The following C6orf89 variants were observed in gnomAD, a reference collection of about 807,000 sequenced individuals.
The protein encoded by C6orf89 is chromosome 6 open reading frame 89.
In C6orf89, 29 loss-of-function variants were observed where a neutral mutation model predicts 40.7. The observed-to-expected ratio is 0.71, with a 90% CI of 0.53 to 0.97. The LOEUF (loss-of-function observed/expected upper bound fraction) is 0.97, where lower values mean the gene tolerates loss of function less well. Among genes scored for constraint, C6orf89 ranks in the 50% least tolerant of loss-of-function variants. The pLI is 0.00. For synonymous variants in C6orf89, 165 were observed against 152.2 expected (o/e 1.08, Z -0.62); for missense variants, 392 against 429.1 (o/e 0.91, Z 0.76).
chr6:36,910,740 A>T lies in C6orf89; in HGVS notation c.404-3544A>T, dbSNP rs541454796. 3.3e-5 allele frequency among the ~76,000 whole-genome samples: 5 copies of T among 151,980 alleles called. No individual in the cohort carries two copies. In the South Asian group the frequency reaches 1.0e-3, roughly 32 times the overall value. On this transcript the variant is annotated intron_variant, in intron 4 of 8. Coordinates refer to ENST00000480824, the MANE Select transcript of C6orf89 (RefSeq NM_001286635.2). ...AGACCCTGTCTCTAAAAAAAAAAAA[A>T]AGGCTGGTCTCAAACTCCTGGGCTC...
upstream of C6orf89, among the ~76,000 whole-genome samples, chr6:36,882,961 G>A (rs988686606): frequency 7.4e-4 from 112 of 151,578 alleles, no homozygotes; most frequent in African/African-American, 2.3e-3. Context: ...GGATGGTCTC[G>A]ATCTCCTGAC....
upstream of C6orf89, among the ~76,000 whole-genome samples, chr6:36,882,801 A>C (rs1223015373): frequency 2.1e-5 from 3 of 140,828 alleles, no homozygotes; most frequent in Non-Finnish European, 4.5e-5. Flanking sequence ...GCAGTGGCGC[A>C]ATCTCGGCTC....
chr6:36,921,997 C>T (rs2150718478), intron 8 of C6orf89, among the ~76,000 whole-genome samples: 1 of 152,328 alleles, frequency 6.6e-6, no homozygotes, highest in Non-Finnish European at 1.5e-5. Context: ...CGCTGCACTC[C>T]AGCCTGGGCA....
At chr6:36,906,346 G>T (rs967122092) in intron 4 of C6orf89, among the ~76,000 whole-genome samples, 1 of 152,202 alleles carries the variant, frequency 6.6e-6, no homozygotes, top group African/African-American at 2.4e-5. Context: ...AGCACTTACT[G>T]TATACCAGGT....
Position 36,925,772 on chromosome 6 carries a change from A to G in C6orf89, c.*2331A>G, listed in dbSNP as rs547749998. 53 of 152,394 alleles carry G rather than the reference A, an allele frequency of 3.5e-4. No homozygotes were observed. Among genetic ancestry groups the G allele is most frequent in the African/African-American group, 1.2e-3 (51 of 41,598 alleles). The allele number at this position is 152,394 out of a possible 1,614,324, so 9.4% of individuals were successfully genotyped here. ...GATGATCAAGGCCCTGCACAGCAGG[A>G]TGCCACAGGATGCCCCTGCCATCTA... On this transcript the variant is annotated 3_prime_UTR_variant, in exon 9 of 9. Coordinates refer to ENST00000480824, the MANE Select transcript of C6orf89 (RefSeq NM_001286635.2).
chr6:36,885,802 A>T (rs1462605510), upstream of C6orf89: 1 of 393,780 alleles, frequency 2.5e-6, no homozygotes, highest in African/African-American at 2.1e-5. Flanking sequence ...AAGAACCTAC[A>T]CTCTCCAGAT....
chr6:36,921,807 T>C (rs1263570647), intron 8 of C6orf89, among the ~76,000 whole-genome samples: 7 of 151,888 alleles, frequency 4.6e-5, no homozygotes, highest in Non-Finnish European at 8.8e-5. Flanking sequence ...GCAGGAGGAT[T>C]GCTTGAGCCC....
intron 3 of C6orf89, among the ~76,000 whole-genome samples, chr6:36,899,869 TTTA>T (rs1761598675): frequency 6.6e-6 from 1 of 152,240 alleles, no homozygotes; most frequent in Non-Finnish European, 1.5e-5. Flanking sequence ...TATTTAATTT[TTTA>T]TTATTTGTTT....
At chr6:36,922,717 A>G (rs35824005) in intron 8 of C6orf89, among the ~76,000 whole-genome samples, 11 of 152,234 alleles carry the variant, frequency 7.2e-5, no homozygotes, top group Non-Finnish European at 1.6e-4. Context: ...ACAGGACACT[A>G]CTGTTTGCCA....
At chr6:36,917,131 C>T (rs146348772) in intron 7 of C6orf89, among the ~76,000 whole-genome samples, 8 of 152,294 alleles carry the variant, frequency 5.3e-5, no homozygotes, top group Admixed American at 2.6e-4. Flanking sequence ...GATAAGGAAA[C>T]TGAGTCCCAG....
In C6orf89 at chr6:36,919,686, GAGC is replaced by G. The variant is rs1561877180; in HGVS notation, c.935_937del (p.Glu312_Pro313delinsAla). ...TTGTCAGTCTGTGGCCATGCCAATA[GAGC>G]CAGGGGATATCGGTATGTAGGGCCC... On this transcript the variant is annotated inframe_deletion, in exon 8 of 9. Transcript: ENST00000480824. 6.2e-7 allele frequency: 1 copy of G among 1,613,448 alleles called. No homozygotes were observed.
At chr6:36,917,558 A>G (rs1051200947) in intron 7 of C6orf89, among the ~76,000 whole-genome samples, 2 of 152,180 alleles carry the variant, frequency 1.3e-5, no homozygotes, top group Admixed American at 1.3e-4. Flanking sequence ...GCCCCCTGCC[A>G]CCTCTGGACC....
intron 1 of C6orf89, among the ~76,000 whole-genome samples, chr6:36,887,271 A>T (rs1775029947): frequency 6.6e-6 from 1 of 152,218 alleles, no homozygotes. Context: ...GAATAAAATA[A>T]TAAAACATAA....
rs61597592 is a variant in C6orf89, at chr6:36,926,559, AAGAGAG to A, written c.*3124_*3129del. 9.7e-5 allele frequency: 13 copies of A among 133,714 alleles called. No homozygotes were observed. The highest frequency in any genetic ancestry group is 1.4e-4 in the Non-Finnish European group (9 of 63,654). The allele number at this position is 133,714 out of a possible 1,614,324, so 8.3% of individuals were successfully genotyped here. On this transcript the variant is annotated 3_prime_UTR_variant, in exon 9 of 9. Transcript: ENST00000480824. ...GGAAAGGAAAGAAAAGAAAAAAAAA[AAGAGAG>A]AGAGAAAAGAAGAGGGGAGGGGAGG...
intron 7 of C6orf89, among the ~76,000 whole-genome samples, chr6:36,918,531 T>C (rs1583200858): frequency 6.6e-6 from 1 of 151,830 alleles, no homozygotes; most frequent in Non-Finnish European, 1.5e-5. Flanking sequence ...GAGAACAGGG[T>C]TGGGGACAGG....
At position 36,916,565 on chromosome 6, in the gene C6orf89, G is replaced by A; in HGVS notation, c.816G>A (p.Val272=). 1 of 1,614,038 alleles carries A rather than the reference G, an allele frequency of 6.2e-7. No homozygotes were observed. The highest frequency in any genetic ancestry group is 8.5e-7 in the Non-Finnish European group (1 of 1,179,992). The change falls in exon 7 of 9, where the codon GTG becomes GTA. Residue 272 remains valine (V), a synonymous_variant. Coordinates refer to ENST00000480824, the MANE Select transcript of C6orf89 (RefSeq NM_001286635.2). ...KCSFLHPEPV[V]GSKMHKMPDL... ...CCTTTCTTCACCCAGAACCTGTTGT[G>A]GGGAGTAAGGTAGGAAATTTTGAGA...
chr6:36,878,009 A>G (rs1034914983), intron 1 of C6orf89, among the ~76,000 whole-genome samples: 2 of 152,242 alleles, frequency 1.3e-5, no homozygotes, highest in South Asian at 2.1e-4. Flanking sequence ...TTGGACAGAC[A>G]TTATTGGACA....
chr6:36,923,241 G>T (rs1234046891), intron 8 of C6orf89, 106 bp from the exon 9 acceptor site: 1 of 701,418 alleles, frequency 1.4e-6, no homozygotes, highest in Non-Finnish European at 2.5e-6. Flanking sequence ...CTTTGACTCT[G>T]CAGTGCACCC....
chr6:36,912,971 A>G lies in C6orf89; in HGVS notation c.404-1313A>G, dbSNP rs148335261. Among the ~76,000 whole-genome samples, 24 of 152,346 alleles carry G rather than the reference A, an allele frequency of 1.6e-4. No homozygotes were observed. In the East Asian group the frequency reaches 4.6e-3, roughly 29 times the overall value. ...TTTCAGCCACATTTGGTTGTCTGTT[A>G]TCATTTGTCGTAGGCTCTCTCCTGA... is the stretch of plus-strand genomic sequence containing the variant. On this transcript the variant is annotated intron_variant, in intron 4 of 8. Coordinates refer to ENST00000480824, the MANE Select transcript of C6orf89 (RefSeq NM_001286635.2).
Sources: allele counts gnomAD v4.1 joint callset (sites outside exome capture counted in the v4.1 genomes callset), GRCh38; gene constraint gnomAD v4.1.1; transcripts MANE v1.5; gene names NCBI Gene and HGNC (gene_info 2026-07-23, HGNC 2026-07-21).